Variants in ASTN1 observed in about 807,000 individuals in gnomAD.
ASTN1 encodes the protein astrotactin-1.
A neutral mutation model predicts 140.7 loss-of-function variants in ASTN1; 41 were observed. The observed-to-expected ratio is 0.29, with a 90% confidence interval of 0.23 to 0.38. The LOEUF (loss-of-function observed/expected upper bound fraction) is 0.38, where lower values mean the gene tolerates loss of function less well. ASTN1 is among the 10% of genes least tolerant of loss of function. The probability of loss-of-function intolerance (pLI) is 1.00; values close to 1 mark genes in which losing one functional copy is unlikely to be tolerated. For missense variants in ASTN1, 1,479 were observed against 1,678.8 expected (o/e 0.88, Z 2.08); for synonymous variants, 640 against 652.2 (o/e 0.98, Z 0.29).
At chr1:176,894,471 C>T (rs1571470013) in intron 17 of ASTN1, 91 bp downstream of exon 17, 7 of 1,499,556 alleles carry the variant, frequency 4.7e-6, no homozygotes, top group East Asian at 4.6e-5. Flanking sequence ...TAGCATGGCC[C>T]TCAACCACAC....
At chr1:177,017,076 A>T (rs1198671010) in intron 7 of ASTN1, among the ~76,000 whole-genome samples, 2 of 152,246 alleles carry the variant, frequency 1.3e-5, no homozygotes. Flanking sequence ...AAATAAATGC[A>T]GTAACAACTC....
intron 1 of ASTN1, among the ~76,000 whole-genome samples, chr1:177,147,328 C>G (rs1201558425): frequency 6.6e-6 from 1 of 152,150 alleles, no homozygotes; most frequent in Non-Finnish European, 1.5e-5. Flanking sequence ...GTACCAAGCT[C>G]AGCATACATT....
intron 16 of ASTN1, among the ~76,000 whole-genome samples, chr1:176,921,839 T>C (rs554414028): frequency 1.3e-5 from 2 of 152,156 alleles, no homozygotes; most frequent in Admixed American, 1.3e-4. Context: ...GATAAAAGGG[T>C]GAGCTGGTGC....
intron 1 of ASTN1, among the ~76,000 whole-genome samples, chr1:177,111,407 G>A (rs1000382280): frequency 5.9e-5 from 9 of 151,910 alleles, no homozygotes; most frequent in Admixed American, 5.2e-4. Context: ...TTGTTAAAAT[G>A]AATGTCTGAT....
chr1:177,111,548 G>C (rs1680823832), intron 1 of ASTN1, among the ~76,000 whole-genome samples: 1 of 152,038 alleles, frequency 6.6e-6, no homozygotes, highest in African/African-American at 2.4e-5. Context: ...GCCCTTCCAG[G>C]GTATGTCTAA....
intron 2 of ASTN1, among the ~76,000 whole-genome samples, chr1:177,035,800 T>TC (rs1351083290): frequency 6.6e-6 from 1 of 152,226 alleles, no homozygotes; most frequent in African/African-American, 2.4e-5. Flanking sequence ...CCTTCACTGC[T>TC]CTTCTCACAG....
chr1:177,110,669 T>C (rs1459616387), intron 1 of ASTN1, among the ~76,000 whole-genome samples: 3 of 152,192 alleles, frequency 2.0e-5, no homozygotes, highest in Non-Finnish European at 4.4e-5. Flanking sequence ...ACCCAGGAGA[T>C]AGGGATTTAT....
intron 11 of ASTN1, among the ~76,000 whole-genome samples, chr1:176,952,666 A>G (rs1451216179): frequency 6.6e-6 from 1 of 152,230 alleles, no homozygotes; most frequent in African/African-American, 2.4e-5. Context: ...CTAAGTACAA[A>G]GAAACCAGAG....
intron 8 of ASTN1, among the ~76,000 whole-genome samples, chr1:176,969,815 G>A (rs900168805): frequency 1.1e-4 from 16 of 152,126 alleles, no homozygotes; most frequent in African/African-American, 3.9e-4. Flanking sequence ...ATTTTTGTTT[G>A]TTTGTTTGTT....
At chr1:176,932,313 C>T (rs77882053) in intron 16 of ASTN1, among the ~76,000 whole-genome samples, 5 of 152,242 alleles carry the variant, frequency 3.3e-5, no homozygotes, top group East Asian at 3.9e-4. Flanking sequence ...GGTAAAGTTC[C>T]GTTCTGTATC....
intron 1 of ASTN1, among the ~76,000 whole-genome samples, chr1:177,097,490 T>C (rs1483598359): frequency 6.6e-6 from 1 of 152,202 alleles, no homozygotes; most frequent in Non-Finnish European, 1.5e-5. Context: ...CATCTGAAAG[T>C]GGCTATAATA....
At chr1:176,869,705 T>G (rs1055524118) in intron 21 of ASTN1, among the ~76,000 whole-genome samples, 1 of 152,112 alleles carries the variant, frequency 6.6e-6, no homozygotes, top group Non-Finnish European at 1.5e-5. Context: ...CCATGATTGG[T>G]CTGAGTGTGT....
At chr1:177,161,358 C>T (rs1202090983) in intron 1 of ASTN1, among the ~76,000 whole-genome samples, 1 of 152,228 alleles carries the variant, frequency 6.6e-6, no homozygotes, top group Non-Finnish European at 1.5e-5. Flanking sequence ...TGCCTTTGCT[C>T]ATCTTTTCTC....
At chr1:177,152,885 T>C (rs1173775583) in intron 1 of ASTN1, among the ~76,000 whole-genome samples, 1 of 152,038 alleles carries the variant, frequency 6.6e-6, no homozygotes, top group Non-Finnish European at 1.5e-5. Flanking sequence ...TATATAGACA[T>C]AGTAATAGAA....
intron 8 of ASTN1, among the ~76,000 whole-genome samples, chr1:176,993,872 T>C (rs549303838): frequency 6.6e-6 from 1 of 152,328 alleles, no homozygotes; most frequent in East Asian, 1.9e-4. Context: ...TATTTGACTC[T>C]CTTGTAGCCT....
intron 8 of ASTN1, among the ~76,000 whole-genome samples, chr1:176,969,516 A>G (rs770280944): frequency 2.0e-5 from 3 of 152,182 alleles, no homozygotes; most frequent in Non-Finnish European, 4.4e-5. Context: ...TGGAGCTAGA[A>G]AGGAGAGTGA....
At chr1:176,933,192 C>G (rs1671281316) in intron 16 of ASTN1, among the ~76,000 whole-genome samples, 1 of 152,180 alleles carries the variant, frequency 6.6e-6, no homozygotes, top group African/African-American at 2.4e-5. Flanking sequence ...ACCTCTTCAG[C>G]AAGGCAAAAC....
intron 14 of ASTN1, among the ~76,000 whole-genome samples, chr1:176,942,002 G>A (rs1301845619): frequency 6.6e-6 from 1 of 152,168 alleles, no homozygotes; most frequent in African/African-American, 2.4e-5. Flanking sequence ...GCGTGTGCAT[G>A]TAATATTTCA....
At chr1:177,068,514 T>C (rs971910286) in intron 1 of ASTN1, among the ~76,000 whole-genome samples, 1 of 152,136 alleles carries the variant, frequency 6.6e-6, no homozygotes, top group Non-Finnish European at 1.5e-5. Context: ...GATTCAGTGA[T>C]GAGAAACAAT....
Sources: allele counts gnomAD v4.1 joint callset (sites outside exome capture counted in the v4.1 genomes callset), GRCh38; gene constraint gnomAD v4.1.1; transcripts MANE v1.5; gene names NCBI Gene and HGNC (gene_info 2026-07-23, HGNC 2026-07-21).